The following MOGAT1 variants were observed in gnomAD, a reference collection of about 807,000 sequenced individuals.
MOGAT1 encodes 2-acylglycerol O-acyltransferase 1.
In MOGAT1, 32 loss-of-function variants were observed where a neutral mutation model predicts 31.4. The observed-to-expected ratio is 1.02, with a 90% confidence interval of 0.77 to 1.37. MOGAT1 has a LOEUF of 1.37. Among genes scored for constraint, MOGAT1 ranks in the 40% most tolerant of loss-of-function variants. MOGAT1 has a pLI of 0.00. For synonymous variants in MOGAT1, 145 were observed against 144.5 expected (o/e 1.00, Z -0.03); for missense variants, 426 against 402.0 (o/e 1.06, Z -0.51).
chr2:222,702,150 C>T (rs1177159757), intron 5 of MOGAT1, among the ~76,000 whole-genome samples: 1 of 152,114 alleles, frequency 6.6e-6, no homozygotes, highest in Non-Finnish European at 1.5e-5. Flanking sequence ...AATAATCAGA[C>T]AAATCCAGAT....
chr2:222,708,595 T>G (rs748762991), intron 5 of MOGAT1, among the ~76,000 whole-genome samples: 8 of 152,248 alleles, frequency 5.3e-5, no homozygotes, highest in Non-Finnish European at 1.0e-4. Context: ...CATTCTCATT[T>G]GTAGAAAATT....
At chr2:222,677,195 T>C (rs1692511649) in intron 1 of MOGAT1, among the ~76,000 whole-genome samples, 1 of 152,218 alleles carries the variant, frequency 6.6e-6, no homozygotes, top group South Asian at 2.1e-4. Context: ...CTTTTTATGT[T>C]TTGTCAGTTA....
intron 1 of MOGAT1, among the ~76,000 whole-genome samples, chr2:222,683,987 T>C (rs1692624617): frequency 6.6e-6 from 1 of 152,214 alleles, no homozygotes; most frequent in Non-Finnish European, 1.5e-5. Flanking sequence ...CCTCTTCTCT[T>C]TGAACTCCAA....
intron 2 of MOGAT1, 33 bp from the exon 3 acceptor site, chr2:222,689,232 T>G (rs938771468): frequency 6.6e-7 from 1 of 1,525,242 alleles, no homozygotes; most frequent in Non-Finnish European, 8.8e-7. Flanking sequence ...GGAAGTTTCT[T>G]TTTTTTAAAA....
chr2:222,683,634 A>G (rs1041050363), intron 1 of MOGAT1, among the ~76,000 whole-genome samples: 2 of 152,038 alleles, frequency 1.3e-5, no homozygotes, highest in Admixed American at 6.6e-5. Flanking sequence ...AGGCTGAGGC[A>G]GGAGAATCAC....
At chr2:222,684,352 G>A (rs1057196209) in intron 1 of MOGAT1, among the ~76,000 whole-genome samples, 1 of 151,900 alleles carries the variant, frequency 6.6e-6, no homozygotes, top group Admixed American at 6.6e-5. Flanking sequence ...GTTGCAGTGA[G>A]CTGAGATCAT....
chr2:222,707,699 T>C (rs1392847941), intron 5 of MOGAT1, among the ~76,000 whole-genome samples: 3 of 152,186 alleles, frequency 2.0e-5, no homozygotes, highest in Non-Finnish European at 4.4e-5. Flanking sequence ...ATCCAAGCTA[T>C]CAAAGAAAAC....
At chr2:222,678,377 C>G (rs1264893035) in intron 1 of MOGAT1, 2 of 152,248 alleles carry the variant, frequency 1.3e-5, no homozygotes, top group East Asian at 1.9e-4. Flanking sequence ...GTTGCCATCT[C>G]TATTCCTTGT....
At chr2:222,701,331 A>AGAGAGAGAGAGAG in intron 5 of MOGAT1, among the ~76,000 whole-genome samples, 1 of 128,880 alleles carries the variant, frequency 7.8e-6, no homozygotes, top group Non-Finnish European at 1.8e-5. Flanking sequence ...AGAGAGAGAT[A>AGAGAGAGAGAGAG]AAAGGAATTA....
At chr2:222,700,038 G>A (rs1418784437) in intron 5 of MOGAT1, among the ~76,000 whole-genome samples, 1 of 152,080 alleles carries the variant, frequency 6.6e-6, no homozygotes, top group Non-Finnish European at 1.5e-5. Context: ...TTACTTTTTT[G>A]GCATAACATT....
In MOGAT1 at chr2:222,695,108, G is replaced by T; in HGVS notation, c.673G>T (p.Val225Phe). ...TTGCAGCGCCTCTCTGGTCCCAGTG[G>T]TTTCTTTTGGTGAAAATGAACTGTT... The part of the protein sequence containing the change: ...LTHGASLVPV[V>F]SFGENELFKQ... The change falls in exon 5 of 6, where the codon GTT becomes TTT. Residue 225 changes from valine to phenylalanine, a missense_variant. By Grantham distance (50) the Val-to-Phe change is conservative. Transcript: ENST00000446656. 6.2e-7 allele frequency: 1 copy of T among 1,603,744 alleles called. No individual in the cohort carries two copies. The highest frequency in any genetic ancestry group is 1.1e-5 in the South Asian group (1 of 88,904).
chr2:222,676,502 T>C (rs900515600), intron 1 of MOGAT1, among the ~76,000 whole-genome samples: 1 of 152,226 alleles, frequency 6.6e-6, no homozygotes, highest in African/African-American at 2.4e-5. Flanking sequence ...CAGCCATCTA[T>C]TGATGAATAT....
intron 5 of MOGAT1, among the ~76,000 whole-genome samples, chr2:222,701,571 G>GAAAAGA (rs1553562954): frequency 4.3e-5 from 4 of 92,818 alleles, no homozygotes; most frequent in African/African-American, 2.2e-4. Flanking sequence ...GAGAAAGAAA[G>GAAAAGA]AAAAGAAAGA....
At chr2:222,677,798 C>T (rs1692521059) in intron 1 of MOGAT1, 1 of 299,064 alleles carries the variant, frequency 3.3e-6, no homozygotes, top group Non-Finnish European at 6.8e-6. Flanking sequence ...GCTTAATCTA[C>T]ATTCATTCTA....
At chr2:222,673,671 T>C (rs1692456321) in intron 1 of MOGAT1, among the ~76,000 whole-genome samples, 1 of 152,230 alleles carries the variant, frequency 6.6e-6, no homozygotes, top group Non-Finnish European at 1.5e-5. Flanking sequence ...ACCACTAAAC[T>C]GCTCTCTTAA....
intron 1 of MOGAT1, among the ~76,000 whole-genome samples, chr2:222,680,950 T>C (rs1341293711): frequency 6.6e-6 from 1 of 152,170 alleles, no homozygotes; most frequent in Non-Finnish European, 1.5e-5. Flanking sequence ...ATTTCACTTA[T>C]TGTAAATAGC....
Position 222,679,927 on chromosome 2 carries a change from A to T in MOGAT1, c.94+8048A>T, listed in dbSNP as rs578241384. Among the ~76,000 whole-genome samples, 5 of 152,232 alleles carry T rather than the reference A, an allele frequency of 3.3e-5. No individual in the cohort carries two copies. The East Asian group carries it at 9.7e-4, about 29-fold the overall frequency. ...TTTGCTTTAACTTTATGAAAAAGCA[A>T]CCTGAAGTGACATGACAATAGCCAA... On this transcript the variant is annotated intron_variant, in intron 1 of 5. Coordinates refer to ENST00000446656, the MANE Select transcript of MOGAT1 (RefSeq NM_058165.3).
intron 5 of MOGAT1, chr2:222,699,486 A>ATTTATTTTTT (rs1692886656): frequency 1.2e-5 from 1 of 86,890 alleles, no homozygotes; most frequent in African/African-American, 4.5e-5. Flanking sequence ...GTTGGGAGAT[A>ATTTATTTTTT]TTTCTTTTTT....
chr2:222,690,532 G>C (rs564305745), intron 3 of MOGAT1, among the ~76,000 whole-genome samples: 4 of 152,094 alleles, frequency 2.6e-5, no homozygotes, highest in Non-Finnish European at 5.9e-5. Context: ...ACTCCAGCCC[G>C]GGCGACAGAG....
Sources: allele counts gnomAD v4.1 joint callset (sites outside exome capture counted in the v4.1 genomes callset), GRCh38; gene constraint gnomAD v4.1.1; transcripts MANE v1.5; gene names NCBI Gene and HGNC (gene_info 2026-07-23, HGNC 2026-07-21).